Variants in DNAH5 observed in about 807,000 individuals in gnomAD.
DNAH5 encodes dynein axonemal heavy chain 5.
A neutral mutation model predicts 518.2 loss-of-function variants in DNAH5; 372 were observed. The ratio of observed to expected loss-of-function variants is 0.72; its 90% CI spans 0.66 to 0.78. The LOEUF is 0.78. Ranked by LOEUF, DNAH5 falls within the 30% of genes least tolerant of loss-of-function variation. DNAH5 has a pLI of 0.00. For synonymous variants in DNAH5, 2,039 were observed against 2,025.9 expected (o/e 1.01, Z -0.17); for missense variants, 5,523 against 5,687.0 (o/e 0.97, Z 0.93).
intron 18 of DNAH5, among the ~76,000 whole-genome samples, 189 bp downstream of exon 18, chr5:13,885,775 A>T (rs1041504558): frequency 1.1e-4 from 16 of 152,358 alleles, no homozygotes; most frequent in African/African-American, 3.8e-4. Context: ...TTAACCAAAA[A>T]TAGTAGGAAT....
chr5:13,817,642 G>A lies in DNAH5; in HGVS notation c.6894C>T (p.Ala2298=). Residue 2298 remains alanine (A), a synonymous_variant, in exon 42 of 79, where the codon GCC becomes GCT. Coordinates refer to ENST00000265104, the MANE Select transcript of DNAH5 (RefSeq NM_001369.3). ...EMRMNPKAIT[A]PQMFGRLDVA... is the part of the protein sequence containing the mutation. ...CGTCCAGCCGACCAAACATCTGTGG[G>A]GCAGTAATCGCTTTGGGATTCATCC... The A allele has an allele frequency of 1.2e-6, 2 of 1,614,126 alleles. No homozygotes were observed. Among genetic ancestry groups the A allele is most frequent in the Non-Finnish European group, 1.7e-6 (2 of 1,180,012 alleles).
intron 74 of DNAH5, 100 bp from the exon 75 acceptor site, chr5:13,714,720 T>C: frequency 9.0e-7 from 1 of 1,107,488 alleles, no homozygotes; most frequent in Non-Finnish European, 1.3e-6. Flanking sequence ...AGGGTATGCA[T>C]TTACTTAAGT....
chr5:13,795,382 C>T (rs1215158496), intron 47 of DNAH5, among the ~76,000 whole-genome samples: 1 of 152,088 alleles, frequency 6.6e-6, no homozygotes, highest in African/African-American at 2.4e-5. Context: ...CCACCGATCC[C>T]ACAGAAATAA....
intron 17 of DNAH5, among the ~76,000 whole-genome samples, chr5:13,889,739 A>G (rs947912923): frequency 6.6e-6 from 1 of 152,098 alleles, no homozygotes; most frequent in Non-Finnish European, 1.5e-5. Flanking sequence ...CACAGAGGGG[A>G]CGGTGAGCTC....
chr5:13,973,814 A>C (rs1274149066), intron 1 of DNAH5, among the ~76,000 whole-genome samples: 1 of 152,180 alleles, frequency 6.6e-6, no homozygotes, highest in South Asian at 2.1e-4. Context: ...TGGCAAGAAC[A>C]ACCACGAAAG....
At chr5:13,862,486 A>T in intron 29 of DNAH5, 62 bp downstream of exon 29, 1 of 1,502,758 alleles carries the variant, frequency 6.7e-7, no homozygotes, top group Admixed American at 1.7e-5. Flanking sequence ...ATTTTTCATT[A>T]ATTTTAAATG....
chr5:13,751,460 G>C (rs1432438754), intron 64 of DNAH5, among the ~76,000 whole-genome samples, 200 bp from the exon 65 acceptor site: 1 of 152,124 alleles, frequency 6.6e-6, no homozygotes, highest in East Asian at 1.9e-4. Flanking sequence ...ATGGGAGGAA[G>C]AAACATATAT....
intron 12 of DNAH5, among the ~76,000 whole-genome samples, chr5:13,906,853 T>G (rs1323161860): frequency 1.3e-5 from 2 of 152,170 alleles, no homozygotes; most frequent in African/African-American, 2.4e-5. Context: ...ATATAGACTT[T>G]CATGCACCTA....
At chr5:13,988,397 T>A (rs1263522918) in intron 1 of DNAH5, among the ~76,000 whole-genome samples, 1 of 150,030 alleles carries the variant, frequency 6.7e-6, no homozygotes, top group Non-Finnish European at 1.5e-5. Context: ...CAGGAGGTGT[T>A]ATGAAAACCA....
Position 13,752,241 on chromosome 5 carries a change from G to C in DNAH5, c.10921C>G (p.Leu3641Val). ...ATAAGCAAAGGCCTTCCAAGAGAAAGGCTGTCTTCCAGGTGGTTTCTGAAG... is the reference window on the plus strand; with the variant it reads ...ATAAGCAAAGGCCTTCCAAGAGAAACGCTGTCTTCCAGGTGGTTTCTGAAG... ...KYFRNHLEDS[L>V]SLGRPLLIED... The change falls in exon 64 of 79, where the codon CTT (leucine) becomes GTT (valine). Residue 3641 changes from leucine (L) to valine (V), a missense_variant. Physicochemically the swap from Leu to Val is conservative, Grantham distance 32 (BLOSUM62 1). Coordinates refer to ENST00000265104, the MANE Select transcript of DNAH5 (RefSeq NM_001369.3). 6.2e-7 allele frequency: 1 copy of C among 1,614,056 alleles called. No homozygotes were observed. Among genetic ancestry groups the C allele is most frequent in the African/African-American group, 1.3e-5 (1 of 75,034 alleles).
chr5:13,842,861 C>T (rs1405992583), intron 32 of DNAH5, among the ~76,000 whole-genome samples: 2 of 152,062 alleles, frequency 1.3e-5, no homozygotes, highest in Non-Finnish European at 2.9e-5. Context: ...AAAAGCAACG[C>T]GATCTTAAGA....
intron 70 of DNAH5, among the ~76,000 whole-genome samples, chr5:13,724,542 A>G (rs887982633): frequency 2.1e-4 from 32 of 152,168 alleles, no homozygotes; most frequent in Non-Finnish European, 4.3e-4. Context: ...GTATTTTGCA[A>G]TGTAAGAAGG....
intron 76 of DNAH5, among the ~76,000 whole-genome samples, chr5:13,705,185 G>A (rs946274693): frequency 1.1e-4 from 16 of 152,054 alleles, no homozygotes; most frequent in Admixed American, 2.6e-4. Context: ...TAGTAGAGAC[G>A]GGGTTTCACC....
rs141766674 is a variant in DNAH5 at position 13,904,537 on chromosome 5, A to ATG, written c.1645-2401_1645-2400dup. On this transcript the variant is annotated intron_variant, in intron 12 of 78. Coordinates refer to ENST00000265104, the MANE Select transcript of DNAH5 (RefSeq NM_001369.3). ...TATATGGATTCTATGTATGTGGATT[A>ATG]TGTGTGTGTGTGTGTTTGTATTATA... Among the ~76,000 whole-genome samples the ATG allele has an allele frequency of 1.1e-4, 17 of 150,346 alleles. No homozygotes were observed. In the South Asian group the frequency reaches 1.5e-3, roughly 13 times the overall value.
At position 13,754,758 on chromosome 5, in the gene DNAH5, A is replaced by C. The variant is rs186857090; in HGVS notation, c.10420-420T>G. 2.9e-3 allele frequency among the ~76,000 whole-genome samples: 435 copies of C among 150,982 alleles called. 6 individuals are homozygous for C. The highest frequency in any genetic ancestry group is 0.01 in the African/African-American group (415 of 41,260). On this transcript the variant is annotated intron_variant, in intron 61 of 78. Coordinates refer to ENST00000265104, the MANE Select transcript of DNAH5 (RefSeq NM_001369.3). Reference sequence around the variant, plus strand: ...TCTCCATGTTGGTCAGGCTGGTCTCAAGCTCCCAACCTCAGGTGATCCGCC... The same window carrying C: ...TCTCCATGTTGGTCAGGCTGGTCTCCAGCTCCCAACCTCAGGTGATCCGCC...
intron 65 of DNAH5, among the ~76,000 whole-genome samples, chr5:13,740,390 A>C (rs2126638483): frequency 6.6e-6 from 1 of 152,234 alleles, no homozygotes; most frequent in African/African-American, 2.4e-5. Context: ...TCAGAGTGAA[A>C]GGTAAAGACC....
At chr5:13,783,616 C>T (rs1755527219) in intron 52 of DNAH5, among the ~76,000 whole-genome samples, 1 of 152,138 alleles carries the variant, frequency 6.6e-6, no homozygotes, top group African/African-American at 2.4e-5. Context: ...CATGCAAAAC[C>T]ATATACACCA....
At chr5:13,972,684 G>A (rs766895918) in intron 1 of DNAH5, among the ~76,000 whole-genome samples, 5 of 152,186 alleles carry the variant, frequency 3.3e-5, no homozygotes, top group Non-Finnish European at 7.3e-5. Flanking sequence ...GAGTTTCTCA[G>A]CTGTCTCATG....
intron 43 of DNAH5, among the ~76,000 whole-genome samples, chr5:13,812,941 A>G (rs1036376329): frequency 6.6e-6 from 1 of 152,196 alleles, no homozygotes; most frequent in Admixed American, 6.5e-5. Context: ...CCATGATTCT[A>G]CCTCGACAAA....
Sources: allele counts gnomAD v4.1 joint callset (sites outside exome capture counted in the v4.1 genomes callset), GRCh38; gene constraint gnomAD v4.1.1; transcripts MANE v1.5; gene names NCBI Gene and HGNC (gene_info 2026-07-23, HGNC 2026-07-21).